Variants in NAV3 observed in about 807,000 individuals in gnomAD.
The protein encoded by NAV3 is pore membrane and/or filament interacting like protein 1.
Under a neutral mutation model 244.7 loss-of-function variants are expected in NAV3, and 87 were observed. The ratio of observed to expected loss-of-function variants is 0.36; its 90% CI spans 0.30 to 0.42. The LOEUF (loss-of-function observed/expected upper bound fraction) is 0.42, where lower values mean the gene tolerates loss of function less well. Among genes scored for constraint, NAV3 ranks in the 20% least tolerant of loss-of-function variants. The pLI is 1.00. For synonymous variants in NAV3, 1,126 were observed against 1,042.2 expected (o/e 1.08, Z -1.55); for missense variants, 2,663 against 2,893.3 (o/e 0.92, Z 1.83).
intron 11 of NAV3, among the ~76,000 whole-genome samples, chr12:78,053,531 A>G (rs1883070410): frequency 6.6e-6 from 1 of 152,158 alleles, no homozygotes; most frequent in Admixed American, 6.6e-5. Flanking sequence ...AGCCAACAGC[A>G]CTATAACTAA....
chr12:77,898,577 G>A (rs923471726), intron 1 of NAV3, among the ~76,000 whole-genome samples: 2 of 152,186 alleles, frequency 1.3e-5, no homozygotes, highest in African/African-American at 4.8e-5. Context: ...GGCAAAGTAT[G>A]TGATCAGTGG....
At chr12:78,144,338 G>T (rs975173194) in intron 20 of NAV3, among the ~76,000 whole-genome samples, 5 of 151,928 alleles carry the variant, frequency 3.3e-5, no homozygotes, top group African/African-American at 4.8e-5. Flanking sequence ...ATTCAGTCAA[G>T]TGTTTCATAT....
At chr12:77,945,516 A>G (rs988384209) in intron 3 of NAV3, among the ~76,000 whole-genome samples, 1 of 152,198 alleles carries the variant, frequency 6.6e-6, no homozygotes, top group Non-Finnish European at 1.5e-5. Flanking sequence ...GAAGGATTCT[A>G]GTTCTGTAGG....
At chr12:77,639,534 G>A (rs1210401858) in intron 2 of NAV3, among the ~76,000 whole-genome samples, 3 of 152,016 alleles carry the variant, frequency 2.0e-5, no homozygotes, top group East Asian at 1.9e-4. Flanking sequence ...TAAAATTGAC[G>A]CCACTCCCAT....
At chr12:77,707,784 G>C (rs1403337193) in intron 2 of NAV3, among the ~76,000 whole-genome samples, 4 of 152,174 alleles carry the variant, frequency 2.6e-5, no homozygotes, top group Non-Finnish European at 5.9e-5. Flanking sequence ...TCTCATTGTG[G>C]TTTTGATTTG....
At chr12:77,899,365 T>C (rs1884993351) in intron 1 of NAV3, among the ~76,000 whole-genome samples, 2 of 152,188 alleles carry the variant, frequency 1.3e-5, no homozygotes, top group South Asian at 4.1e-4. Flanking sequence ...CACTGTCATC[T>C]TACTTAAATT....
In NAV3 at chr12:78,077,370, G is replaced by A. The variant is rs117708735; in HGVS notation, c.2636+18255G>A. On this transcript the variant is annotated intron_variant, in intron 12 of 39. Coordinates refer to ENST00000397909, the MANE Select transcript of NAV3 (RefSeq NM_001024383.2). The stretch of plus-strand genomic sequence containing the variant: ...AGACAATAAATATTTTAGGCTTTAC[G>A]GGCCAAGAGGCAAAATCAAGATATT... Among the ~76,000 whole-genome samples, 328 of 152,182 alleles carry A rather than the reference G, an allele frequency of 2.2e-3. 4 individuals are homozygous for A. The East Asian group carries it at 0.04, about 19-fold the overall frequency.
intron 2 of NAV3, among the ~76,000 whole-genome samples, chr12:77,763,751 G>A (rs945561497): frequency 6.6e-6 from 1 of 152,210 alleles, no homozygotes; most frequent in African/African-American, 2.4e-5. Context: ...CCTGAGATAA[G>A]TGTGTCATTA....
At chr12:77,745,975 TAA>T (rs1294519149) in intron 2 of NAV3, among the ~76,000 whole-genome samples, 1 of 122,500 alleles carries the variant, frequency 8.2e-6, no homozygotes, top group African/African-American at 3.0e-5. Context: ...CAAAATTGGT[TAA>T]AGACTTAAGG....
chr12:77,622,804 G>A lies in NAV3; in HGVS notation c.72+50538G>A, dbSNP rs1013264980. Among the ~76,000 whole-genome samples the A allele has an allele frequency of 3.9e-5, 6 of 151,978 alleles. No homozygotes were observed. The East Asian group carries it at 1.2e-3, about 29-fold the overall frequency. ...ATAAAGTTGGATGACATATATAAAT[G>A]TATATCTATAACTTATATAGTTTAA... is the stretch of plus-strand genomic sequence containing the variant. On this transcript the variant is annotated intron_variant, in intron 2 of 8. Transcript: ENST00000550042.
At chr12:77,752,546 A>G (rs989007015) in intron 2 of NAV3, among the ~76,000 whole-genome samples, 2 of 152,132 alleles carry the variant, frequency 1.3e-5, no homozygotes, top group African/African-American at 4.8e-5. Context: ...TACTAGTCTC[A>G]AGTCCAATGG....
intron 2 of NAV3, among the ~76,000 whole-genome samples, chr12:77,674,395 T>A (rs560542919): frequency 2.1e-4 from 32 of 152,262 alleles, no homozygotes; most frequent in Admixed American, 7.2e-4. Flanking sequence ...TATACTTTTT[T>A]TTTTTTTTGA....
intron 12 of NAV3, among the ~76,000 whole-genome samples, chr12:78,081,632 C>A (rs895261055): frequency 1.3e-5 from 2 of 152,062 alleles, no homozygotes; most frequent in African/African-American, 4.8e-5. Flanking sequence ...TAGGCAGGGG[C>A]AAATCTGGAA....
chr12:77,595,043 T>G (rs796449265), intron 2 of NAV3, among the ~76,000 whole-genome samples: 31 of 152,196 alleles, frequency 2.0e-4, no homozygotes, highest in African/African-American at 7.2e-4. Flanking sequence ...GATCTAGCAA[T>G]CCCTCTTCTA....
At chr12:78,009,613 C>G (rs1874903782) in intron 8 of NAV3, among the ~76,000 whole-genome samples, 1 of 152,008 alleles carries the variant, frequency 6.6e-6, no homozygotes, top group Non-Finnish European at 1.5e-5. Context: ...AAGATTCTGA[C>G]CCACAATTTC....
chr12:77,925,686 TTGCAGGTATG>T (rs1473502490), intron 1 of NAV3, among the ~76,000 whole-genome samples: 12 of 152,124 alleles, frequency 7.9e-5, no homozygotes, highest in African/African-American at 2.9e-4. Context: ...GCCGATGGTC[TTGCAGGTATG>T]TGGATCTAGC....
upstream of NAV3, among the ~76,000 whole-genome samples, chr12:77,829,565 T>C (rs571742470): frequency 4.5e-4 from 68 of 152,346 alleles, no homozygotes; most frequent in Admixed American, 2.2e-3. Flanking sequence ...TTCTGAAAGT[T>C]ATAATGTGTT....
At chr12:78,053,121 G>A (rs908249133) in intron 11 of NAV3, among the ~76,000 whole-genome samples, 1 of 151,744 alleles carries the variant, frequency 6.6e-6, no homozygotes, top group Admixed American at 6.6e-5. Flanking sequence ...GCTGAGGCAG[G>A]AGAACCACCT....
At chr12:78,143,488 C>T (rs1442401707) in intron 20 of NAV3, 11 of 354,972 alleles carry the variant, frequency 3.1e-5, no homozygotes, top group Admixed American at 7.2e-5. Flanking sequence ...GAAATTAGCC[C>T]GGTGTAGTGG....
Sources: gnomAD v4.1 joint callset for allele counts (sites outside exome capture counted in the v4.1 genomes callset) on GRCh38, gnomAD v4.1.1 for gene constraint, MANE v1.5 for transcripts, NCBI Gene and HGNC (gene_info 2026-07-23, HGNC 2026-07-21) for gene names.